Variants in TTLL7 observed in about 807,000 individuals in gnomAD.
TTLL7 encodes the protein tubulin polyglutamylase TTLL7.
In TTLL7, 53 loss-of-function variants were observed where a neutral mutation model predicts 120.2. The ratio of observed to expected loss-of-function variants is 0.44; its 90% CI spans 0.35 to 0.55. The LOEUF is 0.55. TTLL7 is among the 20% of genes least tolerant of loss of function. The probability of loss-of-function intolerance (pLI) is 0.00; values close to 1 mark genes in which losing one functional copy is unlikely to be tolerated. For synonymous variants in TTLL7, 353 were observed against 351.7 expected, an observed-to-expected ratio of 1.00 and a Z score of -0.04; for missense variants, 803 against 1,054.7, an observed-to-expected ratio of 0.76 and a Z score of 3.31.
chr1:83,950,220 G>A (rs1648914671), intron 3 of TTLL7, among the ~76,000 whole-genome samples: 1 of 152,008 alleles, frequency 6.6e-6, no homozygotes, highest in Non-Finnish European at 1.5e-5. Flanking sequence ...ATCTTCTCAG[G>A]TTTAACAGGT....
intron 1 of TTLL7, among the ~76,000 whole-genome samples, chr1:83,989,498 C>A (rs977317295): frequency 1.3e-5 from 2 of 152,120 alleles, no homozygotes; most frequent in Non-Finnish European, 2.9e-5. Context: ...ATTCTCTATT[C>A]TATTTCCCTG....
At chr1:83,983,667 A>G (rs1229712293) in intron 1 of TTLL7, among the ~76,000 whole-genome samples, 2 of 152,208 alleles carry the variant, frequency 1.3e-5, no homozygotes, top group African/African-American at 4.8e-5. Context: ...GAAACTATCA[A>G]CAGAGTAAAC....
intron 17 of TTLL7, among the ~76,000 whole-genome samples, chr1:83,905,844 A>G (rs1329999985): frequency 6.6e-6 from 1 of 152,002 alleles, no homozygotes; most frequent in African/African-American, 2.4e-5. Flanking sequence ...TGTAACAAGA[A>G]AAACACACAG....
At chr1:83,983,384 A>G (rs1652157269) in intron 1 of TTLL7, among the ~76,000 whole-genome samples, 1 of 152,166 alleles carries the variant, frequency 6.6e-6, no homozygotes, top group South Asian at 2.1e-4. Flanking sequence ...TATTCAATAA[A>G]TGACACTGGA....
rs373708551 is a variant in TTLL7 at position 83,937,864 on chromosome 1, C to T, written c.876G>A (p.Trp292Ter). The change falls in exon 8 of 21, where the codon TGG (tryptophan) becomes TGA (stop). Residue 292 changes from tryptophan to a stop codon, truncating the protein, a stop_gained. Transcript: ENST00000260505. LOFTEE classifies it high-confidence loss of function. Reference sequence around the variant, plus strand: ...GGCATAATCTTACTGAAATATCACTCCAAAACTTAGCAACATCATGTTGAT... The same window carrying T: ...GGCATAATCTTACTGAAATATCACTTCAAAACTTAGCAACATCATGTTGAT... ...QANQHDVAKF[W>*]SDISELVVKT... 4.6e-5 allele frequency: 74 copies of T among 1,613,808 alleles called. No individual in the cohort carries two copies. The highest frequency in any genetic ancestry group is 5.0e-5 in the Admixed American group (3 of 59,986).
At chr1:83,996,623 C>T (rs139977148) in intron 1 of TTLL7, among the ~76,000 whole-genome samples, 6 of 152,266 alleles carry the variant, frequency 3.9e-5, no homozygotes, top group African/African-American at 1.4e-4. Flanking sequence ...TGGTATTAAG[C>T]CAATTCTAAG....
intron 3 of TTLL7, 49 bp downstream of exon 3, chr1:83,951,796 T>C (rs1313899672): frequency 6.4e-7 from 1 of 1,561,592 alleles, no homozygotes; most frequent in African/African-American, 1.4e-5. Context: ...ACCAAATCAG[T>C]TTTTCCAGCA....
intron 18 of TTLL7, among the ~76,000 whole-genome samples, chr1:83,891,835 C>CCG (rs386367507): frequency 1.3e-4 from 1 of 7,760 alleles, no homozygotes; most frequent in Non-Finnish European, 2.2e-4. Context: ...CATGATACCA[C>CCG]CCTTTTTTTT....
At chr1:83,944,415 T>C (rs1400186240) in intron 6 of TTLL7, among the ~76,000 whole-genome samples, 1 of 152,146 alleles carries the variant, frequency 6.6e-6, no homozygotes, top group Non-Finnish European at 1.5e-5. Context: ...CAGGTAAATA[T>C]AAAAGTTCTG....
intron 1 of TTLL7, among the ~76,000 whole-genome samples, chr1:83,986,708 G>A (rs1194566378): frequency 6.6e-6 from 1 of 152,118 alleles, no homozygotes; most frequent in Non-Finnish European, 1.5e-5. Context: ...AGGAGTGGTG[G>A]CATGCACCTG....
chr1:83,907,475 C>T lies in TTLL7; in HGVS notation c.1973G>A (p.Cys658Tyr), dbSNP rs1657294200. The T allele has an allele frequency of 6.2e-7, 1 of 1,612,760 alleles. No individual in the cohort carries two copies. The highest frequency in any genetic ancestry group is 8.5e-7 in the Non-Finnish European group (1 of 1,179,166). The change falls in exon 16 of 21, where the codon TGC (cysteine) becomes TAC (tyrosine). Residue 658 changes from cysteine (C) to tyrosine (Y), a missense_variant. Physicochemically the swap from Cys to Tyr is radical, Grantham distance 194. This residue lies in a region of TTLL7 where 388 missense variants were observed against 450.4 expected (regional missense o/e 0.86). Coordinates refer to ENST00000260505, the MANE Select transcript of TTLL7 (RefSeq NM_024686.6). ...MRHLPHSNDA[C>Y]STNSQVSESL... ...ACCTACCACTTGAGAGTTGGTAGAG[C>T]AGGCATCATTACTGTGAGGCAGATG...
At chr1:83,920,784 G>A (rs1488316896) in intron 12 of TTLL7, among the ~76,000 whole-genome samples, 1 of 152,038 alleles carries the variant, frequency 6.6e-6, no homozygotes, top group African/African-American at 2.4e-5. Context: ...TTGGCAGGAA[G>A]AATACCAAGA....
intron 18 of TTLL7, among the ~76,000 whole-genome samples, chr1:83,892,912 A>AAGAAAGAAAG (rs1655845398): frequency 1.0e-5 from 1 of 97,850 alleles, no homozygotes; most frequent in Non-Finnish European, 1.9e-5. Flanking sequence ...AAGGAAAAAG[A>AAGAAAGAAAG]AAAAAGAAAG....
chr1:83,938,346 T>G lies in TTLL7; in HGVS notation c.724-330A>C, dbSNP rs1413795732. ...CAAGAAAAATGATCTGAGTTTGTTC[T>G]TGTTAATTTGTTTGTTTTCAATGTT... On this transcript the variant is annotated intron_variant, in intron 7 of 20. Coordinates refer to ENST00000260505, the MANE Select transcript of TTLL7 (RefSeq NM_024686.6). Among the ~76,000 whole-genome samples the G allele has an allele frequency of 2.0e-5, 3 of 152,254 alleles. No homozygotes were observed. In the East Asian group the frequency reaches 5.8e-4, roughly 29 times the overall value.
intron 13 of TTLL7, among the ~76,000 whole-genome samples, chr1:83,919,124 A>C (rs934790346): frequency 6.6e-6 from 1 of 151,886 alleles, no homozygotes; most frequent in Non-Finnish European, 1.5e-5. Flanking sequence ...TATATGATTC[A>C]CCCCAGGAAA....
At chr1:83,936,458 T>C (rs1442232309) in intron 8 of TTLL7, among the ~76,000 whole-genome samples, 1 of 152,192 alleles carries the variant, frequency 6.6e-6, no homozygotes, top group Non-Finnish European at 1.5e-5. Flanking sequence ...TGATCTTCCA[T>C]CAATGAACTA....
At chr1:83,972,468 C>T (rs527371853) in intron 1 of TTLL7, among the ~76,000 whole-genome samples, 55 of 152,002 alleles carry the variant, frequency 3.6e-4, no homozygotes, top group Non-Finnish European at 6.2e-4. Flanking sequence ...GATAATATTC[C>T]GTTGTCTGGA....
At position 83,919,705 on chromosome 1, in the gene TTLL7, C is replaced by T. The variant is rs968467058; in HGVS notation, c.1494G>A (p.Arg498=). 4 of 1,610,762 alleles carry T rather than the reference C, an allele frequency of 2.5e-6. No homozygotes were observed. Among genetic ancestry groups the T allele is most frequent in the Non-Finnish European group, 8.5e-7 (1 of 1,178,508 alleles). Residue 498 remains arginine, a synonymous_variant, in exon 13 of 21, where the codon AGG becomes AGA. Coordinates refer to ENST00000260505, the MANE Select transcript of TTLL7 (RefSeq NM_024686.6). ...TAAACATTCATTCTCTTACCTTCAT[C>T]CTTTTCAAAGGATTATTCAACTCTC... ...FQRELNNPLK[R]MKEEDILDLL... is the part of the protein sequence containing the mutation.
chr1:83,930,608 C>G (rs1174432700), intron 9 of TTLL7, among the ~76,000 whole-genome samples: 3 of 152,164 alleles, frequency 2.0e-5, no homozygotes, highest in African/African-American at 7.2e-5. Context: ...TTCAACCATA[C>G]TGATTCAAAT....
Sources: allele counts gnomAD v4.1 joint callset (sites outside exome capture counted in the v4.1 genomes callset), GRCh38; gene constraint gnomAD v4.1.1; regional missense constraint gnomAD v4.1.1; transcripts MANE v1.5; gene names NCBI Gene and HGNC (gene_info 2026-07-23, HGNC 2026-07-21).